GLB1: variants seen among roughly 807,000 people sequenced by gnomAD.
The protein encoded by GLB1 is galactosidase beta 1.
In GLB1, 56 loss-of-function variants were observed where a neutral mutation model predicts 74.0. The ratio of observed to expected loss-of-function variants is 0.76; its 90% confidence interval spans 0.61 to 0.94. The LOEUF is 0.94. GLB1 is among the 40% of genes least tolerant of loss of function. The pLI is 0.00. For synonymous variants in GLB1, 323 were observed against 323.6 expected (o/e 1.00, Z 0.02); for missense variants, 787 against 845.5 (o/e 0.93, Z 0.86).
chr3:32,989,262 C>T, the GLB1 span, among the ~76,000 whole-genome samples: 1 of 152,158 alleles, frequency 6.6e-6, no homozygotes, highest in Non-Finnish European at 1.5e-5. Flanking sequence ...CCCGTTTCAC[C>T]TCAAGGAAGA....
In GLB1 at chr3:33,054,774, T is replaced by C. The variant is rs1699147281; in HGVS notation, c.734-1225A>G. Among the ~76,000 whole-genome samples, 3 of 152,294 alleles carry C rather than the reference T, an allele frequency of 2.0e-5. No individual in the cohort carries two copies. The South Asian group carries it at 6.2e-4, about 32-fold the overall frequency. The stretch of plus-strand genomic sequence containing the variant: ...CTTGTCTTGCCTCTCGTGTCTTCTA[T>C]TTTCCCTTCCTCCTCTAAAACAAAA... On this transcript the variant is annotated intron_variant, in intron 6 of 15. Transcript: ENST00000307363.
intron 15 of GLB1, among the ~76,000 whole-genome samples, chr3:32,999,589 G>T (rs1248727335): frequency 6.6e-6 from 1 of 152,178 alleles, no homozygotes; most frequent in African/African-American, 2.4e-5. Flanking sequence ...TGTTTTCCCT[G>T]GATCCCCTTC....
rs1450300146 is a variant in GLB1 at position 33,046,009 on chromosome 3, C to T, written c.1068+111G>A. ...AGTCTAGCTGATGCCTCCCTTCATC[C>T]ATCCTTTTAAACAGGAGGGCTCCAG... is the stretch of plus-strand genomic sequence containing the variant. On this transcript the variant is annotated intron_variant, in intron 10 of 15. Coordinates refer to ENST00000307363, the MANE Select transcript of GLB1 (RefSeq NM_000404.4). 4 of 1,361,148 alleles carry T rather than the reference C, an allele frequency of 2.9e-6. No homozygotes were observed. The African/African-American group carries it at 5.7e-5, about 20-fold the overall frequency. The allele number at this position is 1,361,148 out of a possible 1,614,324, so 84.3% of individuals were successfully genotyped here.
intron 1 of GLB1, chr3:33,096,656 C>A: frequency 8.9e-7 from 1 of 1,119,824 alleles, no homozygotes. Context: ...CGGAGGCACC[C>A]TCTAACCCGC....
chr3:32,980,034 T>A, the GLB1 span, among the ~76,000 whole-genome samples: 1 of 152,160 alleles, frequency 6.6e-6, no homozygotes, highest in Non-Finnish European at 1.5e-5. Context: ...AATTAGCATA[T>A]CCATCACCTC....
At chr3:33,085,761 G>A (rs972691506) in intron 1 of GLB1, among the ~76,000 whole-genome samples, 1 of 151,986 alleles carries the variant, frequency 6.6e-6, no homozygotes, top group Non-Finnish European at 1.5e-5. Flanking sequence ...ACCAGCTCAA[G>A]TGCAGTGGTT....
At chr3:33,030,066 A>G (rs1231496614) in intron 10 of GLB1, 1 of 152,220 alleles carries the variant, frequency 6.6e-6, no homozygotes, top group Non-Finnish European at 1.5e-5. Flanking sequence ...GACTCTGCAG[A>G]TAAGGTAACT....
the GLB1 span, among the ~76,000 whole-genome samples, chr3:32,991,455 C>T: frequency 6.6e-6 from 1 of 152,198 alleles, no homozygotes; most frequent in Non-Finnish European, 1.5e-5. Flanking sequence ...AAAATGGCCA[C>T]ACATTCTTTG....
At chr3:33,050,530 G>A (rs1197420759) in intron 9 of GLB1, among the ~76,000 whole-genome samples, 2 of 152,236 alleles carry the variant, frequency 1.3e-5, no homozygotes, top group African/African-American at 4.8e-5. Context: ...AATGAAAGAA[G>A]TCATACAGGT....
At chr3:33,070,084 T>G (rs546267318) in intron 2 of GLB1, among the ~76,000 whole-genome samples, 1 of 152,216 alleles carries the variant, frequency 6.6e-6, no homozygotes, top group African/African-American at 2.4e-5. Flanking sequence ...CTGTGTTTGC[T>G]CAGGATAATA....
At chr3:33,058,820 C>T (rs1406949470) in intron 5 of GLB1, among the ~76,000 whole-genome samples, 1 of 145,472 alleles carries the variant, frequency 6.9e-6, no homozygotes, top group African/African-American at 2.4e-5. Flanking sequence ...ATATACTATG[C>T]AAAATCTCCA....
intron 6 of GLB1, among the ~76,000 whole-genome samples, chr3:33,056,949 C>T (rs1034105429): frequency 1.3e-5 from 2 of 152,200 alleles, no homozygotes; most frequent in South Asian, 4.1e-4. Flanking sequence ...CAAAAAAAGT[C>T]CAGTCAGACA....
chr3:33,030,454 C>T, intron 10 of GLB1: 1 of 965,928 alleles, frequency 1.0e-6, no homozygotes, highest in Admixed American at 6.2e-5. Context: ...AGTAATATTG[C>T]CTTTCTCATC....
intron 15 of GLB1, among the ~76,000 whole-genome samples, chr3:33,000,221 A>G (rs1277945146): frequency 6.6e-6 from 1 of 151,942 alleles, no homozygotes; most frequent in East Asian, 1.9e-4. Flanking sequence ...GATTACAGGC[A>G]TGAGCCACCT....
rs151205825 is a variant in GLB1 at position 33,053,664 on chromosome 3, AT to A, written c.734-116del. 0.023 allele frequency: 31,590 copies of A among 1,379,090 alleles called. 4,265 individuals carry two copies. The East Asian group carries it at 0.39, about 17-fold the overall frequency. 85.4% of individuals were successfully genotyped at this position (1,379,090 alleles called of 1,614,324 possible). On this transcript the variant is annotated intron_variant, in intron 6 of 15. Transcript: ENST00000307363. Reference sequence around the variant, plus strand: ...GCCCTGCTACGGTCAGAATGTTAGTATCCCCCCAAAATTCTCATGTTGGAAC... The same window carrying A: ...GCCCTGCTACGGTCAGAATGTTAGTACCCCCCAAAATTCTCATGTTGGAAC...
Position 33,016,838 on chromosome 3 carries a change from G to A in GLB1, c.1350C>T (p.Ile450=), listed in dbSNP as rs758688455. The A allele has an allele frequency of 4.3e-6, 7 of 1,613,934 alleles. No individual in the cohort carries two copies. Among genetic ancestry groups the A allele is most frequent in the Non-Finnish European group, 5.9e-6 (7 of 1,179,866 alleles). ...HDRAYVAVDG[I]PQGVLERNNV... ...TGTTTCGCTCAAGGACTCCCTGGGG[G>A]ATCTGTGGGGTTCAAGACCAAATGA... The change falls in exon 14 of 16, where the codon ATC becomes ATT. Residue 450 remains isoleucine (I), a splice_region_variant and synonymous_variant. Transcript: ENST00000307363.
In GLB1 at chr3:33,055,040, G is replaced by A. The variant is rs146758951; in HGVS notation, c.734-1491C>T. ...TTTCAGGACAGAATATGCTGATTGA[G>A]AAAGAGCAGAATCTCATTGGCTGTC... On this transcript the variant is annotated intron_variant, in intron 6 of 15. Transcript: ENST00000307363. 2.9e-3 allele frequency among the ~76,000 whole-genome samples: 446 copies of A among 152,366 alleles called. 1 individual carries two copies. The highest frequency in any genetic ancestry group is 4.8e-3 in the Non-Finnish European group (328 of 68,034).
chr3:33,016,964 A>T (rs926411528), intron 13 of GLB1, 124 bp from the exon 14 acceptor site: 9 of 1,479,164 alleles, frequency 6.1e-6, no homozygotes, highest in African/African-American at 1.4e-5. Context: ...CTTGGAAAGA[A>T]ATGCTTTGAT....
intron 1 of GLB1, among the ~76,000 whole-genome samples, chr3:33,089,761 T>C (rs1191474347): frequency 6.6e-6 from 1 of 152,132 alleles, no homozygotes; most frequent in African/African-American, 2.4e-5. Context: ...AAGGGGGAAA[T>C]GGAGCCTTGT....
Sources: gnomAD v4.1 joint callset for allele counts (sites outside exome capture counted in the v4.1 genomes callset) on GRCh38, gnomAD v4.1.1 for gene constraint, MANE v1.5 for transcripts, NCBI Gene and HGNC (gene_info 2026-07-23, HGNC 2026-07-21) for gene names.